Variants in KCNQ3 observed in about 807,000 individuals in gnomAD.
KCNQ3 encodes the protein potassium voltage-gated channel subfamily KQT member 3.
Under a neutral mutation model 92.5 loss-of-function variants are expected in KCNQ3, and 30 were observed. The ratio of observed to expected loss-of-function variants is 0.32; its 90% confidence interval spans 0.24 to 0.44. KCNQ3 has a LOEUF of 0.44. Among genes scored for constraint, KCNQ3 ranks in the 20% least tolerant of loss-of-function variants. The pLI is 1.00. For synonymous variants in KCNQ3, 450 were observed against 468.8 expected (o/e 0.96, Z 0.52); for missense variants, 913 against 1,140.3 (o/e 0.80, Z 2.87).
intron 9 of KCNQ3, among the ~76,000 whole-genome samples, chr8:132,161,282 C>G (rs1359675276): frequency 6.6e-6 from 1 of 152,164 alleles, no homozygotes; most frequent in Non-Finnish European, 1.5e-5. Context: ...TATAGGCTAC[C>G]TATGCTAGAA....
chr8:132,240,094 A>T (rs139583091), intron 1 of KCNQ3, among the ~76,000 whole-genome samples: 390 of 152,140 alleles, frequency 2.6e-3, no homozygotes, highest in Admixed American at 4.4e-3. Flanking sequence ...CACTGCAGGA[A>T]CGCTATCTTC....
rs1409425500 is a variant in KCNQ3, at chr8:132,140,139, T to C, written c.1505A>G (p.Tyr502Cys). The part of the protein sequence containing the change: ...TGDPMAEDRG[Y>C]GNDFPIEDMI... Reference sequence around the variant, plus strand: ...GTCTTCGATGGGGAAGTCATTCCCATAGCCCCTGTCTTCCGCCATGGGGTC... The same window carrying C: ...GTCTTCGATGGGGAAGTCATTCCCACAGCCCCTGTCTTCCGCCATGGGGTC... The change falls in exon 11 of 15, where the codon TAT (tyrosine) becomes TGT (cysteine). Residue 502 changes from tyrosine (Y) to cysteine (C), a missense_variant. By Grantham distance (194) the Tyr-to-Cys change is radical (BLOSUM62 -2). Coordinates refer to ENST00000388996, the MANE Select transcript of KCNQ3 (RefSeq NM_004519.4). 6.2e-7 allele frequency: 1 copy of C among 1,613,362 alleles called. No individual in the cohort carries two copies. The highest frequency in any genetic ancestry group is 8.5e-7 in the Non-Finnish European group (1 of 1,179,824).
intron 1 of KCNQ3, among the ~76,000 whole-genome samples, chr8:132,447,548 C>T (rs1020642803): frequency 1.3e-5 from 2 of 151,756 alleles, no homozygotes; most frequent in African/African-American, 4.8e-5. Context: ...AGCAGAGTAG[C>T]GGGTGAGCTG....
intron 9 of KCNQ3, among the ~76,000 whole-genome samples, chr8:132,144,871 T>A (rs1825405722): frequency 6.6e-6 from 1 of 152,226 alleles, no homozygotes; most frequent in Admixed American, 6.5e-5. Flanking sequence ...CCATTAGACA[T>A]CCATTCTCTG....
chr8:132,479,648 C>G (rs1587059133), intron 1 of KCNQ3, among the ~76,000 whole-genome samples: 1 of 151,480 alleles, frequency 6.6e-6, no homozygotes, highest in East Asian at 2.0e-4. Flanking sequence ...CACACACACA[C>G]ACACACACGC....
intron 1 of KCNQ3, among the ~76,000 whole-genome samples, chr8:132,370,160 G>C (rs999193139): frequency 6.6e-6 from 1 of 152,118 alleles, no homozygotes; most frequent in Non-Finnish European, 1.5e-5. Flanking sequence ...GTTCAAAGAG[G>C]GCAGGGACAA....
chr8:132,136,118 C>CAAAAAAAAAAAAAAAA (rs67331428), intron 12 of KCNQ3, among the ~76,000 whole-genome samples: 26 of 40,014 alleles, frequency 6.5e-4, no homozygotes, highest in African/African-American at 1.2e-3. Flanking sequence ...GACTCCATCT[C>CAAAAAAAAAAAAAAAA]AAAAAAAAAA....
At chr8:132,286,570 G>T (rs993848554) in intron 1 of KCNQ3, among the ~76,000 whole-genome samples, 1 of 152,180 alleles carries the variant, frequency 6.6e-6, no homozygotes, top group South Asian at 2.1e-4. Flanking sequence ...AGTCTCAGAT[G>T]AGACTTTGGA....
chr8:132,299,904 C>A (rs996189353), intron 1 of KCNQ3, among the ~76,000 whole-genome samples: 1 of 152,192 alleles, frequency 6.6e-6, no homozygotes, highest in Non-Finnish European at 1.5e-5. Context: ...TGGCAGAAAC[C>A]AAGTTGGCTT....
intron 1 of KCNQ3, among the ~76,000 whole-genome samples, chr8:132,475,910 G>C (rs953440373): frequency 6.6e-6 from 1 of 152,226 alleles, no homozygotes; most frequent in Non-Finnish European, 1.5e-5. Flanking sequence ...CACAGGCCCA[G>C]AGGCCTAGGG....
At chr8:132,423,196 G>A (rs1024912588) in intron 1 of KCNQ3, among the ~76,000 whole-genome samples, 1 of 152,176 alleles carries the variant, frequency 6.6e-6, no homozygotes, top group Non-Finnish European at 1.5e-5. Context: ...GTCATCTGGA[G>A]GACACAGCAG....
intron 1 of KCNQ3, among the ~76,000 whole-genome samples, chr8:132,465,574 A>G (rs148682188): frequency 0.086 from 13,002 of 151,990 alleles, 560 homozygotes; most frequent in African/African-American, 0.1. Context: ...CTAAAAATAC[A>G]AAAAATAATA....
rs2085556401 is a variant in KCNQ3, at chr8:132,125,574, C to T, written c.*3688G>A. 1 of 152,132 alleles carries T rather than the reference C, an allele frequency of 6.6e-6. No homozygotes were observed. Among genetic ancestry groups the T allele is most frequent in the Non-Finnish European group, 1.5e-5 (1 of 68,024 alleles). The allele number at this position is 152,132 out of a possible 1,614,324, so 9.4% of individuals were successfully genotyped here. On this transcript the variant is annotated 3_prime_UTR_variant, in exon 15 of 15. Transcript: ENST00000388996. ...AAATGATTTTTTCTTTATTACACCC[C>T]CATTTCAGTAGCATGGAATTATGAG...
At chr8:132,186,562 A>T in intron 1 of KCNQ3, 1 of 343,610 alleles carries the variant, frequency 2.9e-6, no homozygotes, top group Non-Finnish European at 5.7e-6. Flanking sequence ...TGTTCTACAC[A>T]CATAGGACTG....
At chr8:132,156,192 A>G (rs1825791268) in intron 9 of KCNQ3, among the ~76,000 whole-genome samples, 1 of 151,750 alleles carries the variant, frequency 6.6e-6, no homozygotes, top group Admixed American at 6.6e-5. Context: ...TCTAGTGAGC[A>G]CCTATCATGT....
intron 9 of KCNQ3, 56 bp downstream of exon 9, chr8:132,163,412 G>T (rs1268714751): frequency 1.4e-6 from 2 of 1,462,040 alleles, no homozygotes; most frequent in South Asian, 1.1e-5. Flanking sequence ...TATGGAGCAG[G>T]ATGCTCTGTC....
chr8:132,299,571 A>G (rs1044079459), intron 1 of KCNQ3, among the ~76,000 whole-genome samples: 22 of 152,354 alleles, frequency 1.4e-4, no homozygotes, highest in African/African-American at 3.4e-4. Flanking sequence ...GAACAAATAA[A>G]TAAAGTGAGA....
intron 1 of KCNQ3, among the ~76,000 whole-genome samples, chr8:132,212,962 G>C (rs553115665): frequency 1.3e-5 from 2 of 152,320 alleles, no homozygotes; most frequent in East Asian, 3.9e-4. Context: ...AGTCACACCA[G>C]GAGCCTACGT....
At chr8:132,451,680 G>A (rs1236302188) in intron 1 of KCNQ3, among the ~76,000 whole-genome samples, 6 of 152,242 alleles carry the variant, frequency 3.9e-5, no homozygotes, top group Non-Finnish European at 5.9e-5. Flanking sequence ...GGACTCCAAC[G>A]CTGGAGCAGC....
Sources: allele counts gnomAD v4.1 joint callset (sites outside exome capture counted in the v4.1 genomes callset), GRCh38; gene constraint gnomAD v4.1.1; transcripts MANE v1.5; gene names NCBI Gene and HGNC (gene_info 2026-07-23, HGNC 2026-07-21).